Variants in SYNPO2 observed in about 807,000 individuals in gnomAD.
SYNPO2 encodes synaptopodin 2, also known as synaptopodin-2.
In SYNPO2, 56 loss-of-function variants were observed where a neutral mutation model predicts 85.0. That is an observed-to-expected ratio of 0.66 (90% CI 0.53 to 0.82). SYNPO2 has a LOEUF of 0.82. Among genes scored for constraint, SYNPO2 ranks in the 40% least tolerant of loss-of-function variants. The pLI, the probability that SYNPO2 is intolerant of heterozygous loss-of-function variation, is 0.00. For missense variants in SYNPO2, 1,575 were observed against 1,534.2 expected (o/e 1.03, Z -0.44); for synonymous variants, 602 against 591.1 (o/e 1.02, Z -0.27).
chr4:118,939,395 G>C (rs1734224938), intron 1 of SYNPO2, among the ~76,000 whole-genome samples: 1 of 152,214 alleles, frequency 6.6e-6, no homozygotes, highest in Non-Finnish European at 1.5e-5. Flanking sequence ...AGGATGAAGA[G>C]GGAACTTGGC....
chr4:118,969,603 G>A (rs1735459964), intron 1 of SYNPO2, among the ~76,000 whole-genome samples: 1 of 152,106 alleles, frequency 6.6e-6, no homozygotes, highest in Non-Finnish European at 1.5e-5. Flanking sequence ...TATCTGACTT[G>A]GAAAATCCCA....
chr4:118,978,831 ACT>A (rs1246658090), intron 1 of SYNPO2, among the ~76,000 whole-genome samples: 1 of 138,194 alleles, frequency 7.2e-6, no homozygotes, highest in East Asian at 2.1e-4. Context: ...ACACACACAC[ACT>A]TAGCCCATTT....
In SYNPO2 at chr4:119,029,943, A is replaced by G. The variant is rs1388093984; in HGVS notation, c.1168A>G (p.Asn390Asp). ...ALLLTDAPNP[N>D]SKGVLMFKKR... ...TCTTCTAACGGATGCTCCCAACCCC[A>G]ACTCCAAGGGGGTGTTGATGTTTAA... Residue 390 changes from asparagine to aspartate, a missense_variant, in exon 4 of 5, where the codon AAC (asparagine) becomes GAC (aspartate). By Grantham distance (23) the Asn-to-Asp change is conservative. Coordinates refer to ENST00000307142, the MANE Select transcript of SYNPO2 (RefSeq NM_133477.3). 1 of 1,613,774 alleles carries G rather than the reference A, an allele frequency of 6.2e-7. No individual in the cohort carries two copies. Among genetic ancestry groups the G allele is most frequent in the Non-Finnish European group, 8.5e-7 (1 of 1,179,974 alleles).
At chr4:118,894,499 T>C (rs943300143) in intron 1 of SYNPO2, among the ~76,000 whole-genome samples, 1 of 151,618 alleles carries the variant, frequency 6.6e-6, no homozygotes, top group Admixed American at 6.6e-5. Flanking sequence ...GTGGACTTGC[T>C]AGCCTGCCTA....
intron 1 of SYNPO2, among the ~76,000 whole-genome samples, chr4:118,964,983 G>T (rs965569166): frequency 6.6e-6 from 1 of 152,120 alleles, no homozygotes; most frequent in Non-Finnish European, 1.5e-5. Flanking sequence ...AAGCCCAAAG[G>T]CTGCTCCCAA....
chr4:119,038,413 A>G, intron 4 of SYNPO2: 1 of 985,386 alleles, frequency 1.0e-6, no homozygotes, highest in African/African-American at 1.7e-5. Flanking sequence ...GTGACTTCTC[A>G]AAATTCTTTC....
chr4:118,951,848 A>T (rs1734710825), intron 1 of SYNPO2, among the ~76,000 whole-genome samples: 1 of 152,204 alleles, frequency 6.6e-6, no homozygotes, highest in Admixed American at 6.5e-5. Flanking sequence ...GCTAAAGCTG[A>T]ATTTGAGAAT....
At chr4:118,949,853 CT>C (rs35087750) in intron 1 of SYNPO2, among the ~76,000 whole-genome samples, 3 of 151,958 alleles carry the variant, frequency 2.0e-5, no homozygotes, top group Non-Finnish European at 2.9e-5. Context: ...TTACCCTGCA[CT>C]TTTTTTTCAG....
At position 119,031,350 on chromosome 4, in the gene SYNPO2, G is replaced by C. The variant is rs750085659; in HGVS notation, c.2575G>C (p.Val859Leu). ...AGTCAATGCTGTTCAGCCTGGTGCA[G>C]TGGGACCATCCAATGAGCTTCCAGG... ...PTVNAVQPGA[V>L]GPSNELPGMS... is the part of the protein sequence containing the mutation. The change falls in exon 4 of 5, where the codon GTG becomes CTG. Residue 859 changes from valine to leucine, a missense_variant. Physicochemically the swap from Val to Leu is conservative, Grantham distance 32 (BLOSUM62 1). Around this residue, in one of 3 missense-constraint regions of SYNPO2, gnomAD observed 1,508 missense variants for 1,446.8 expected, o/e 1.04. Transcript: ENST00000307142. 5 of 1,614,156 alleles carry C rather than the reference G, an allele frequency of 3.1e-6. No homozygotes were observed. The highest frequency in any genetic ancestry group is 4.2e-6 in the Non-Finnish European group (5 of 1,180,038).
chr4:118,891,921 C>T (rs1235692596), intron 1 of SYNPO2, among the ~76,000 whole-genome samples: 1 of 152,098 alleles, frequency 6.6e-6, no homozygotes, highest in Non-Finnish European at 1.5e-5. Flanking sequence ...GTTCTGTAGA[C>T]AATAACACAT....
intron 1 of SYNPO2, among the ~76,000 whole-genome samples, chr4:118,945,070 G>T (rs1401956848): frequency 4.6e-5 from 7 of 152,142 alleles, no homozygotes; most frequent in Non-Finnish European, 1.5e-5. Flanking sequence ...TTTATTAAAT[G>T]GTAATGAAGT....
intron 1 of SYNPO2, among the ~76,000 whole-genome samples, chr4:118,940,646 C>T (rs1417394030): frequency 6.6e-6 from 1 of 152,042 alleles, no homozygotes; most frequent in Non-Finnish European, 1.5e-5. Flanking sequence ...CGGTCGGACC[C>T]CCACCCCTAC....
At chr4:118,933,341 G>C (rs1202553169) in intron 1 of SYNPO2, among the ~76,000 whole-genome samples, 1 of 152,210 alleles carries the variant, frequency 6.6e-6, no homozygotes, top group African/African-American at 2.4e-5. Flanking sequence ...AACAGGCAAG[G>C]CTGCTCCTGA....
At position 118,933,814 on chromosome 4, in the gene SYNPO2, T is replaced by G. The variant is rs77275407; in HGVS notation, c.105+44673T>G. Among the ~76,000 whole-genome samples, 3 of 123,286 alleles carry G rather than the reference T, an allele frequency of 2.4e-5. 1 individual carries two copies. The highest frequency in any genetic ancestry group is 6.3e-4 in the South Asian group (2 of 3,192). 80.9% of individuals were successfully genotyped at this position (123,286 alleles called of 152,430 possible). A position where few individuals can be genotyped will look rare whatever the true frequency, so the allele number is the denominator to read the frequency against. On this transcript the variant is annotated intron_variant, in intron 1 of 4. Transcript: ENST00000307142. ...ATTTCTAGATTGGTCATAGCTGCTTTTTGCTGTTGTTGTTGTTTTTTTTTT... is the reference window on the plus strand; with the variant it reads ...ATTTCTAGATTGGTCATAGCTGCTTGTTGCTGTTGTTGTTGTTTTTTTTTT...
intron 1 of SYNPO2, among the ~76,000 whole-genome samples, chr4:118,932,211 G>C (rs1187399613): frequency 6.6e-6 from 1 of 152,060 alleles, no homozygotes; most frequent in East Asian, 1.9e-4. Context: ...ATCCCAGGAT[G>C]TTCAAAAATA....
intron 1 of SYNPO2, among the ~76,000 whole-genome samples, chr4:118,964,822 A>G (rs958968561): frequency 6.6e-6 from 1 of 152,184 alleles, no homozygotes; most frequent in African/African-American, 2.4e-5. Context: ...AACCCCTGCT[A>G]TCAAGAAACT....
At chr4:119,055,153 A>ATTTTTTTT (rs1223824240) in intron 4 of SYNPO2, among the ~76,000 whole-genome samples, 1 of 145,500 alleles carries the variant, frequency 6.9e-6, no homozygotes, top group African/African-American at 2.8e-5. Flanking sequence ...TTATTTATTT[A>ATTTTTTTT]TTTATTTTTT....
chr4:118,964,446 C>A (rs895581715), intron 1 of SYNPO2, among the ~76,000 whole-genome samples: 7 of 151,742 alleles, frequency 4.6e-5, no homozygotes, highest in Non-Finnish European at 2.9e-5. Flanking sequence ...GCTGAGATTG[C>A]ACCACTGCAC....
chr4:119,037,553 A>G, intron 4 of SYNPO2: 1 of 991,104 alleles, frequency 1.0e-6, no homozygotes, highest in Non-Finnish European at 1.2e-6. Flanking sequence ...ACAACCCAAA[A>G]TCAAGCATTT....
Sources: allele counts gnomAD v4.1 joint callset (sites outside exome capture counted in the v4.1 genomes callset), GRCh38; gene constraint gnomAD v4.1.1; regional missense constraint gnomAD v4.1.1; transcripts MANE v1.5; gene names NCBI Gene and HGNC (gene_info 2026-07-23, HGNC 2026-07-21).